The following COL4A2 variants were observed in gnomAD, a reference collection of about 807,000 sequenced individuals.
COL4A2 encodes the protein collagen alpha-2(IV) chain.
COL4A2 carries 99 observed loss-of-function variants against 200.2 expected under a neutral mutation model. The observed-to-expected ratio is 0.49, with a 90% confidence interval of 0.42 to 0.58. COL4A2 has a LOEUF of 0.58. COL4A2 is among the 20% of genes least tolerant of loss of function. COL4A2 has a pLI of 0.00. For missense variants in COL4A2, 1,950 were observed against 2,314.1 expected (o/e 0.84, Z 3.23); for synonymous variants, 897 against 900.6 (o/e 1.00, Z 0.07).
intron 3 of COL4A2, among the ~76,000 whole-genome samples, chr13:110,308,332 C>T (rs967904385): frequency 4.6e-5 from 7 of 152,194 alleles, no homozygotes; most frequent in African/African-American, 1.4e-4. Flanking sequence ...CAGCGTCAAT[C>T]CTGTGTTTTG....
chr13:110,331,362 C>A (rs1446632364), intron 3 of COL4A2, among the ~76,000 whole-genome samples: 2 of 152,196 alleles, frequency 1.3e-5, no homozygotes, highest in Non-Finnish European at 2.9e-5. Flanking sequence ...TCTCAGATGT[C>A]CAGGCTGTTG....
At chr13:110,337,915 T>C (rs1430757757) in intron 3 of COL4A2, among the ~76,000 whole-genome samples, 1 of 152,234 alleles carries the variant, frequency 6.6e-6, no homozygotes, top group Non-Finnish European at 1.5e-5. Flanking sequence ...TAAATGAACA[T>C]GCATTGAAAG....
rs1884827579 is a variant in COL4A2 at position 110,307,754 on chromosome 13, C to A, written c.-44-106C>A. 1 of 1,089,116 alleles carries A rather than the reference C, an allele frequency of 9.2e-7. No homozygotes were observed. The highest frequency in any genetic ancestry group is 1.3e-6 in the Non-Finnish European group (1 of 774,412). The allele number at this position is 1,089,116 out of a possible 1,614,324, so 67.5% of individuals were successfully genotyped here. A position where few individuals can be genotyped will look rare whatever the true frequency, so the allele number is the denominator to read the frequency against. On this transcript the variant is annotated intron_variant, in intron 1 of 47. Coordinates refer to ENST00000360467, the MANE Select transcript of COL4A2 (RefSeq NM_001846.4). This position sits in a 1 kb window ranked among gnomAD's most constrained non-coding sequence, Gnocchi z 5.0. ...ACGGCCCTCCGGTCACCCCTGCATG[C>A]GGGCCGCGCACCGCGCTGTCCCCGC... is the stretch of plus-strand genomic sequence containing the variant.
At chr13:110,439,874 G>A (rs756165667) in intron 16 of COL4A2, 41 bp downstream of exon 16, 7 of 1,605,734 alleles carry the variant, frequency 4.4e-6, no homozygotes, top group South Asian at 2.2e-5. Flanking sequence ...CTGGGCCCAC[G>A]ACATCCCACA....
chr13:110,381,307 C>A (rs750894426), intron 4 of COL4A2, among the ~76,000 whole-genome samples: 4 of 146,694 alleles, frequency 2.7e-5, no homozygotes, highest in Admixed American at 2.7e-4. Context: ...TCACACCCAC[C>A]GGCTCTATCT....
intron 36 of COL4A2, among the ~76,000 whole-genome samples, chr13:110,490,416 G>A (rs1883251099): frequency 6.6e-6 from 1 of 152,252 alleles, no homozygotes; most frequent in Non-Finnish European, 1.5e-5. Flanking sequence ...GGGGCTTGCA[G>A]GGCTGGCCCT....
intron 4 of COL4A2, among the ~76,000 whole-genome samples, chr13:110,400,935 G>A (rs943071360): frequency 1.3e-5 from 2 of 152,238 alleles, no homozygotes; most frequent in East Asian, 3.8e-4. Context: ...AGAAGAAGAT[G>A]TAGCTCTTGG....
chr13:110,352,634 G>A (rs1463735244), intron 3 of COL4A2, among the ~76,000 whole-genome samples: 1 of 152,174 alleles, frequency 6.6e-6, no homozygotes, highest in African/African-American at 2.4e-5. Flanking sequence ...AATTGGGGAT[G>A]TGAGGTGTCC....
At chr13:110,376,149 GT>G (rs1353760566) in intron 4 of COL4A2, among the ~76,000 whole-genome samples, 1 of 152,206 alleles carries the variant, frequency 6.6e-6, no homozygotes, top group Non-Finnish European at 1.5e-5. Flanking sequence ...GCAGTGCAGA[GT>G]GGCCTCCTGC....
intron 17 of COL4A2, 40 bp from the exon 18 acceptor site, chr13:110,446,758 G>C: frequency 6.4e-7 from 1 of 1,569,154 alleles, no homozygotes. Flanking sequence ...AACTCCAAAA[G>C]GCTATTCTCA....
At chr13:110,463,958 G>C (rs955000211) in intron 24 of COL4A2, among the ~76,000 whole-genome samples, 4 of 152,160 alleles carry the variant, frequency 2.6e-5, no homozygotes, top group African/African-American at 4.8e-5. Flanking sequence ...AGTCATAATT[G>C]GTCACTTTAG....
In COL4A2 at chr13:110,511,928, G is replaced by C. The variant is rs1884094603; in HGVS notation, c.4882-6G>C. ...CTAACCCTGTCCTGCCCCCCTCTCT[G>C]TGCAGCACACGGCGGCGGGAGACGA... On this transcript the variant is annotated splice_polypyrimidine_tract_variant and splice_region_variant and intron_variant, in intron 47 of 47. Transcript: ENST00000360467. 6.2e-7 allele frequency: 1 copy of C among 1,613,482 alleles called. No homozygotes were observed. The highest frequency in any genetic ancestry group is 8.5e-7 in the Non-Finnish European group (1 of 1,180,020).
chr13:110,308,128 G>C lies in COL4A2; in HGVS notation c.99+5G>C. ...CTCGCCCAGAGCGTCTTGGCGGTAAGTCCTGGCTCCCGCGCTTGGACTTGC... is the reference window on the plus strand; with the variant it reads ...CTCGCCCAGAGCGTCTTGGCGGTAACTCCTGGCTCCCGCGCTTGGACTTGC... On this transcript the variant is annotated splice_donor_5th_base_variant and intron_variant, in intron 3 of 47. Transcript: ENST00000360467. The C allele has an allele frequency of 6.2e-7, 1 of 1,613,590 alleles. No homozygotes were observed. Among genetic ancestry groups the C allele is most frequent in the African/African-American group, 1.3e-5 (1 of 75,056 alleles).
intron 4 of COL4A2, among the ~76,000 whole-genome samples, chr13:110,409,114 CACAT>C (rs1445901552): frequency 3.3e-5 from 2 of 60,930 alleles, no homozygotes; most frequent in African/African-American, 5.3e-5. Context: ...ACACATAACA[CACAT>C]ATACACATGC....
intron 4 of COL4A2, among the ~76,000 whole-genome samples, chr13:110,377,759 A>G (rs183360413): frequency 6.6e-6 from 1 of 152,266 alleles, no homozygotes; most frequent in Admixed American, 6.5e-5. Flanking sequence ...ATAGAAAAAC[A>G]TGTTAAAGAA....
At chr13:110,412,397 A>C (rs1254155873) in intron 4 of COL4A2, among the ~76,000 whole-genome samples, 1 of 152,176 alleles carries the variant, frequency 6.6e-6, no homozygotes, top group Non-Finnish European at 1.5e-5. Flanking sequence ...CCTCCAGCCA[A>C]GGGCCGGTGG....
chr13:110,407,358 C>T (rs1378907469), intron 4 of COL4A2, among the ~76,000 whole-genome samples: 2 of 152,282 alleles, frequency 1.3e-5, no homozygotes, highest in Admixed American at 1.3e-4. Flanking sequence ...GCGAGGAGAG[C>T]GTCACACAGT....
At position 110,307,938 on chromosome 13, in the gene COL4A2, C is replaced by T. The variant is rs1025764917; in HGVS notation, c.35C>T (p.Ala12Val). 3 of 1,612,972 alleles carry T rather than the reference C, an allele frequency of 1.9e-6. No individual in the cohort carries two copies. Among genetic ancestry groups the T allele is most frequent in the Admixed American group, 1.7e-5 (1 of 59,992 alleles). Residue 12 changes from alanine to valine, a missense_variant, in exon 2 of 48, where the codon GCC (alanine) becomes GTC (valine). Around this residue, in one of 2 missense-constraint regions of COL4A2, gnomAD observed 565 missense variants for 593.5 expected, o/e 0.95. Coordinates refer to ENST00000360467, the MANE Select transcript of COL4A2 (RefSeq NM_001846.4). This position sits in a 1 kb window ranked among gnomAD's most constrained non-coding sequence, Gnocchi z 5.0. ...GACCAGCGCGCGGTGGCCGGCCCTG[C>T]CCTACGGCGGTAAGCGACTTTCTGC... ...GRDQRAVAGPALRRWLLLGTV... is the reference protein window; with the variant it reads ...GRDQRAVAGPVLRRWLLLGTV...
chr13:110,462,177 A>G lies in COL4A2; in HGVS notation c.1660A>G (p.Thr554Ala). 1 of 1,614,268 alleles carries G rather than the reference A, an allele frequency of 6.2e-7. No homozygotes were observed. Among genetic ancestry groups the G allele is most frequent in the Non-Finnish European group, 8.5e-7 (1 of 1,180,048 alleles). ...AGCAAAAGGAGATTCCAGAACAATC[A>G]CAACCAAAGGTGAGTTCCTCTCTGG... ...KGAKGDSRTI[T>A]TKGERGQPGV... Residue 554 changes from threonine to alanine, a missense_variant, in exon 23 of 48, where the codon ACA (threonine) becomes GCA (alanine). By Grantham distance (58) the Thr-to-Ala change is moderately conservative. This residue lies in a region of COL4A2 where 1,385 missense variants were observed against 1,720.5 expected (regional missense o/e 0.80). Coordinates refer to ENST00000360467, the MANE Select transcript of COL4A2 (RefSeq NM_001846.4).
Sources: allele counts gnomAD v4.1 joint callset (sites outside exome capture counted in the v4.1 genomes callset), GRCh38; gene constraint gnomAD v4.1.1; regional missense constraint gnomAD v4.1.1; non-coding constraint Gnocchi (gnomAD v3.1); transcripts MANE v1.5; gene names NCBI Gene and HGNC (gene_info 2026-07-23, HGNC 2026-07-21).